The following ZBTB20 variants were observed in gnomAD, a reference collection of about 807,000 sequenced individuals.
ZBTB20 encodes the protein zinc finger and BTB domain-containing protein 20.
ZBTB20 carries 9 observed loss-of-function variants against 56.9 expected under a neutral mutation model. The observed-to-expected ratio is 0.16, with a 90% CI of 0.10 to 0.28. ZBTB20 has a LOEUF of 0.28. Ranked by LOEUF, ZBTB20 falls within the 10% of genes least tolerant of loss-of-function variation. The probability of loss-of-function intolerance (pLI) is 1.00; values close to 1 mark genes in which losing one functional copy is unlikely to be tolerated. For missense variants in ZBTB20, 655 were observed against 1,003.0 expected (o/e 0.65, Z 4.69); for synonymous variants, 417 against 420.7 (o/e 0.99, Z 0.11).
chr3:114,459,079 AG>A (rs1400812475), intron 7 of ZBTB20, among the ~76,000 whole-genome samples: 1 of 152,206 alleles, frequency 6.6e-6, no homozygotes, highest in Non-Finnish European at 1.5e-5. Flanking sequence ...TTATGCAGGA[AG>A]GTTTCTAGAT....
At chr3:114,595,403 C>T (rs528567532) in intron 6 of ZBTB20, among the ~76,000 whole-genome samples, 4 of 152,096 alleles carry the variant, frequency 2.6e-5, no homozygotes, top group South Asian at 4.1e-4. Flanking sequence ...TAATACTGTT[C>T]GTTAGACATT....
intron 6 of ZBTB20, among the ~76,000 whole-genome samples, chr3:114,503,695 G>T (rs1203854509): frequency 6.6e-6 from 1 of 152,042 alleles, no homozygotes; most frequent in Non-Finnish European, 1.5e-5. Context: ...AATTCAGGAC[G>T]TTAAAATATC....
At chr3:115,021,440 G>A (rs1450325104) in intron 2 of ZBTB20, among the ~76,000 whole-genome samples, 1 of 150,776 alleles carries the variant, frequency 6.6e-6, no homozygotes, top group African/African-American at 2.4e-5. Context: ...TACACGTAAA[G>A]TTAAGAAAGT....
chr3:115,078,871 T>G (rs969937100), intron 1 of ZBTB20, among the ~76,000 whole-genome samples: 1 of 152,094 alleles, frequency 6.6e-6, no homozygotes, highest in South Asian at 2.1e-4. Flanking sequence ...GATATTCCTT[T>G]TCTTTAACAA....
intron 5 of ZBTB20, among the ~76,000 whole-genome samples, chr3:114,794,405 G>A (rs1458279174): frequency 1.3e-5 from 2 of 152,106 alleles, no homozygotes; most frequent in African/African-American, 4.8e-5. Flanking sequence ...TGGTTTGGCT[G>A]TGGTAATTTA....
At chr3:114,594,791 G>A (rs1202738921) in intron 6 of ZBTB20, among the ~76,000 whole-genome samples, 1 of 152,070 alleles carries the variant, frequency 6.6e-6, no homozygotes, top group Non-Finnish European at 1.5e-5. Flanking sequence ...TATATCTTGA[G>A]GTGAAGTTTT....
At chr3:114,802,958 G>T (rs1351292096) in intron 4 of ZBTB20, among the ~76,000 whole-genome samples, 1 of 151,664 alleles carries the variant, frequency 6.6e-6, no homozygotes, top group Non-Finnish European at 1.5e-5. Flanking sequence ...TTTGCCAGAT[G>T]TTGAATGAAT....
In ZBTB20 at chr3:114,448,063, G is replaced by T. The variant is rs117130486; in HGVS notation, c.-255+52289C>A. On this transcript the variant is annotated intron_variant, in intron 7 of 11. Transcript: ENST00000675478. ...CAGAAAGAAAATCTCTAGCTGGCAGGTTGGGCAGCCTAGGTAAGAAGGGAA... is the reference window on the plus strand; with the variant it reads ...CAGAAAGAAAATCTCTAGCTGGCAGTTTGGGCAGCCTAGGTAAGAAGGGAA... Among the ~76,000 whole-genome samples the T allele has an allele frequency of 2.6e-5, 4 of 152,258 alleles. No homozygotes were observed. In the East Asian group the frequency reaches 7.7e-4, roughly 29 times the overall value.
At chr3:114,589,558 T>C (rs1160821602) in intron 6 of ZBTB20, among the ~76,000 whole-genome samples, 1 of 152,216 alleles carries the variant, frequency 6.6e-6, no homozygotes, top group Non-Finnish European at 1.5e-5. Flanking sequence ...ATTTAATTTA[T>C]TGTCCAAGCA....
At chr3:114,363,801 T>C (rs961373336) in intron 10 of ZBTB20, among the ~76,000 whole-genome samples, 2 of 152,252 alleles carry the variant, frequency 1.3e-5, no homozygotes, top group African/African-American at 4.8e-5. Flanking sequence ...TCTGATTTGC[T>C]GCTCTCAGAC....
At chr3:114,455,776 C>T (rs528751063) in intron 7 of ZBTB20, among the ~76,000 whole-genome samples, 5 of 152,214 alleles carry the variant, frequency 3.3e-5, no homozygotes, top group East Asian at 3.9e-4. Context: ...CCTCCTCTCC[C>T]GGGTGCACTC....
chr3:114,582,581 T>C (rs2054758934), intron 6 of ZBTB20, among the ~76,000 whole-genome samples: 1 of 152,170 alleles, frequency 6.6e-6, no homozygotes, highest in Non-Finnish European at 1.5e-5. Context: ...GGTTCTGCCA[T>C]GTTGGCCAGG....
At chr3:114,359,309 C>G (rs966522693) in intron 10 of ZBTB20, 2 of 152,144 alleles carry the variant, frequency 1.3e-5, no homozygotes, top group Non-Finnish European at 2.9e-5. Flanking sequence ...CTTTGAGCAT[C>G]TGATTCCAAT....
chr3:114,829,474 T>C (rs1395524717), intron 4 of ZBTB20, among the ~76,000 whole-genome samples: 2 of 151,866 alleles, frequency 1.3e-5, no homozygotes, highest in African/African-American at 4.8e-5. Flanking sequence ...CTAAATAAAA[T>C]GTTTCATAAA....
intron 3 of ZBTB20, among the ~76,000 whole-genome samples, chr3:114,937,483 G>A (rs1185612776): frequency 2.0e-5 from 3 of 151,484 alleles, no homozygotes; most frequent in East Asian, 2.0e-4. Flanking sequence ...GTGCCGGGGC[G>A]CAATCTCGGC....
chr3:114,815,371 A>C (rs148535943), intron 4 of ZBTB20, among the ~76,000 whole-genome samples: 1 of 152,344 alleles, frequency 6.6e-6, no homozygotes, highest in Non-Finnish European at 1.5e-5. Context: ...AAATATGAGG[A>C]AAGATTACGA....
intron 3 of ZBTB20, among the ~76,000 whole-genome samples, chr3:114,944,922 A>C (rs1292474865): frequency 2.1e-5 from 3 of 145,630 alleles, no homozygotes; most frequent in Non-Finnish European, 4.4e-5. Flanking sequence ...CAGCATGATC[A>C]CTATAATTTA....
intron 6 of ZBTB20, among the ~76,000 whole-genome samples, chr3:114,661,839 T>G (rs1288103850): frequency 6.6e-6 from 1 of 152,096 alleles, no homozygotes; most frequent in Non-Finnish European, 1.5e-5. Flanking sequence ...ACGAGTTTCA[T>G]GGATTCAGCC....
chr3:114,572,280 A>G (rs1301710283), intron 6 of ZBTB20, among the ~76,000 whole-genome samples: 1 of 152,174 alleles, frequency 6.6e-6, no homozygotes. Context: ...CATTATTCCA[A>G]AGAAACTTGC....
Sources: allele counts gnomAD v4.1 joint callset (sites outside exome capture counted in the v4.1 genomes callset), GRCh38; gene constraint gnomAD v4.1.1; transcripts MANE v1.5; gene names NCBI Gene and HGNC (gene_info 2026-07-23, HGNC 2026-07-21).